The following CABCOCO1 variants were observed in gnomAD, a reference collection of about 807,000 sequenced individuals.
The protein encoded by CABCOCO1 is ciliary associated calcium binding coiled-coil 1.
Under a neutral mutation model 35.7 loss-of-function variants are expected in CABCOCO1, and 28 were observed. That is an observed-to-expected ratio of 0.78 (90% CI 0.58 to 1.07). The LOEUF (loss-of-function observed/expected upper bound fraction) is 1.07. CABCOCO1 is among the 50% of genes least tolerant of loss of function. The pLI is 0.00. For missense variants in CABCOCO1, 326 were observed against 309.2 expected (o/e 1.05, Z -0.41); for synonymous variants, 95 against 100.1 (o/e 0.95, Z 0.30).
At chr10:61,737,731 A>T (rs981579882) in intron 5 of CABCOCO1, among the ~76,000 whole-genome samples, 1 of 152,186 alleles carries the variant, frequency 6.6e-6, no homozygotes, top group African/African-American at 2.4e-5. Flanking sequence ...ACATGTTCTC[A>T]CTTATAAGCG....
chr10:61,748,156 C>CA (rs1482692326), intron 5 of CABCOCO1, among the ~76,000 whole-genome samples: 81 of 134,706 alleles, frequency 6.0e-4, no homozygotes, highest in East Asian at 6.0e-3. Flanking sequence ...CAGGGAGATA[C>CA]GGGGGAAAAA....
At chr10:61,673,114 T>C (rs1169915625) in intron 2 of CABCOCO1, among the ~76,000 whole-genome samples, 2 of 152,216 alleles carry the variant, frequency 1.3e-5, no homozygotes, top group Non-Finnish European at 2.9e-5. Flanking sequence ...GTAATTATAA[T>C]GGGCAATGCA....
chr10:61,731,059 G>A (rs939923443), intron 5 of CABCOCO1, among the ~76,000 whole-genome samples: 6 of 150,292 alleles, frequency 4.0e-5, no homozygotes, highest in South Asian at 2.1e-4. Flanking sequence ...AATTTTATTG[G>A]AGTAGAGGGA....
At chr10:61,740,799 A>T (rs992842671) in intron 5 of CABCOCO1, among the ~76,000 whole-genome samples, 10 of 152,234 alleles carry the variant, frequency 6.6e-5, no homozygotes, top group Non-Finnish European at 2.9e-5. Context: ...AATTAATTTA[A>T]CATCAAGAAG....
At chr10:61,763,210 A>G (rs1020240691) in intron 7 of CABCOCO1, among the ~76,000 whole-genome samples, 1 of 152,126 alleles carries the variant, frequency 6.6e-6, no homozygotes, top group Admixed American at 6.6e-5. Flanking sequence ...TAAATAATTC[A>G]TGTTTTAAGT....
At chr10:61,683,338 G>A (rs1839856785) in intron 3 of CABCOCO1, among the ~76,000 whole-genome samples, 3 of 152,074 alleles carry the variant, frequency 2.0e-5, no homozygotes, top group East Asian at 1.9e-4. Flanking sequence ...GGCAAGAGGA[G>A]CATTTGAGGC....
chr10:61,747,097 A>G (rs1278982335), intron 5 of CABCOCO1, among the ~76,000 whole-genome samples: 1 of 152,188 alleles, frequency 6.6e-6, no homozygotes, highest in African/African-American at 2.4e-5. Context: ...TGATCTACCA[A>G]TAGAAAAATC....
intron 5 of CABCOCO1, among the ~76,000 whole-genome samples, chr10:61,710,047 A>C (rs1337717303): frequency 6.6e-6 from 1 of 152,060 alleles, no homozygotes; most frequent in Non-Finnish European, 1.5e-5. Flanking sequence ...AGGCAGAATG[A>C]TTTATAAACA....
chr10:61,673,258 T>C (rs1839413316), intron 2 of CABCOCO1, among the ~76,000 whole-genome samples: 2 of 152,232 alleles, frequency 1.3e-5, no homozygotes, highest in Non-Finnish European at 2.9e-5. Flanking sequence ...AGGCAGTAAT[T>C]CCAATATATG....
chr10:61,679,171 G>T (rs1047917531), intron 2 of CABCOCO1, among the ~76,000 whole-genome samples: 6 of 151,972 alleles, frequency 3.9e-5, no homozygotes, highest in Admixed American at 2.0e-4. Context: ...GAATGCTAAT[G>T]GTCCAAACCA....
intron 5 of CABCOCO1, among the ~76,000 whole-genome samples, chr10:61,693,387 A>T (rs1165530661): frequency 6.6e-6 from 1 of 152,146 alleles, no homozygotes; most frequent in Non-Finnish European, 1.5e-5. Context: ...AATAATGGCC[A>T]CAAGACAAAC....
intron 5 of CABCOCO1, among the ~76,000 whole-genome samples, chr10:61,718,799 A>T (rs1464376526): frequency 1.3e-5 from 2 of 152,202 alleles, no homozygotes; most frequent in Non-Finnish European, 2.9e-5. Context: ...TTATTTTACC[A>T]CATCTAACAG....
chr10:61,713,914 G>A (rs986391373), intron 5 of CABCOCO1, among the ~76,000 whole-genome samples: 8 of 152,200 alleles, frequency 5.3e-5, no homozygotes, highest in Admixed American at 2.6e-4. Flanking sequence ...CGGTTTGCCA[G>A]TATTTTATTG....
At chr10:61,705,932 TA>T (rs1248956018) in intron 5 of CABCOCO1, among the ~76,000 whole-genome samples, 9 of 152,306 alleles carry the variant, frequency 5.9e-5, no homozygotes, top group Non-Finnish European at 1.3e-4. Flanking sequence ...AGTTAATCCT[TA>T]AAAGTATCAA....
intron 5 of CABCOCO1, among the ~76,000 whole-genome samples, chr10:61,714,680 TA>T (rs1840816182): frequency 1.3e-5 from 2 of 152,232 alleles, no homozygotes; most frequent in Admixed American, 6.5e-5. Flanking sequence ...TATACTGCTT[TA>T]AATGTGTCCT....
At chr10:61,710,288 GTGTGTGT>G (rs1840701898) in intron 5 of CABCOCO1, among the ~76,000 whole-genome samples, 1 of 84,158 alleles carries the variant, frequency 1.2e-5, no homozygotes, top group Non-Finnish European at 2.5e-5. Flanking sequence ...GTGTGTGTGT[GTGTGTGT>G]AGAGATATAA....
At chr10:61,749,440 C>T (rs965200493) in intron 5 of CABCOCO1, among the ~76,000 whole-genome samples, 3 of 152,214 alleles carry the variant, frequency 2.0e-5, no homozygotes, top group Non-Finnish European at 4.4e-5. Context: ...TTTCTTTATG[C>T]ACGCAATGCT....
At chr10:61,702,717 G>T (rs1840491651) in intron 5 of CABCOCO1, among the ~76,000 whole-genome samples, 1 of 152,136 alleles carries the variant, frequency 6.6e-6, no homozygotes, top group African/African-American at 2.4e-5. Context: ...GGCTTGGTGA[G>T]TGTTTGACAG....
chr10:61,762,181 A>G (rs1288057438), intron 7 of CABCOCO1, among the ~76,000 whole-genome samples: 1 of 152,102 alleles, frequency 6.6e-6, no homozygotes, highest in Admixed American at 6.6e-5. Flanking sequence ...ACAGCTCTGA[A>G]ATTATTGCCG....
Sources: allele counts gnomAD v4.1 joint callset (sites outside exome capture counted in the v4.1 genomes callset), GRCh38; gene constraint gnomAD v4.1.1; transcripts MANE v1.5; gene names NCBI Gene and HGNC (gene_info 2026-07-23, HGNC 2026-07-21).